Variants in SLC9A8 observed in about 807,000 individuals in gnomAD.
SLC9A8 encodes sodium/hydrogen exchanger 8.
SLC9A8 carries 48 observed loss-of-function variants against 66.6 expected under a neutral mutation model. The ratio of observed to expected loss-of-function variants is 0.72; its 90% confidence interval spans 0.57 to 0.92. The LOEUF (loss-of-function observed/expected upper bound fraction) is 0.92, where lower values mean the gene tolerates loss of function less well. Among genes scored for constraint, SLC9A8 ranks in the 40% least tolerant of loss-of-function variants. The pLI is 0.00. For missense variants in SLC9A8, 599 were observed against 747.3 expected, an observed-to-expected ratio of 0.80 and a Z score of 2.31; for synonymous variants, 274 against 282.6, an observed-to-expected ratio of 0.97 and a Z score of 0.31.
rs1278209743 is a variant in SLC9A8, at chr20:49,845,056, A to C, written c.369A>C (p.Pro123=). 1 of 1,612,966 alleles carries C rather than the reference A, an allele frequency of 6.2e-7. No homozygotes were observed. The highest frequency in any genetic ancestry group is 1.7e-5 in the Admixed American group (1 of 60,014). ...TACAGGAAGAAGAAATGTTTCGTCC[A>C]AACATGTTTTTCCTCCTCCTGCTTC... The part of the protein sequence containing the change: ...ANWKEEEMFR[P]NMFFLLLLPP... The change falls in exon 5 of 16, where the codon CCA becomes CCC. Residue 123 remains proline, a synonymous_variant. Coordinates refer to ENST00000361573, the MANE Select transcript of SLC9A8 (RefSeq NM_015266.3).
intron 3 of SLC9A8, among the ~76,000 whole-genome samples, chr20:49,837,000 A>AT (rs1486228714): frequency 6.6e-6 from 1 of 152,146 alleles, no homozygotes; most frequent in Non-Finnish European, 1.5e-5. Context: ...AAAAGTTAAC[A>AT]TACCTCCCTC....
At chr20:49,849,468 T>G (rs1183114547) in intron 5 of SLC9A8, 111 bp from the exon 6 acceptor site, 1 of 786,842 alleles carries the variant, frequency 1.3e-6, no homozygotes, top group African/African-American at 1.7e-5. Context: ...TGGGCAGTGG[T>G]GCCTTTTACA....
intron 3 of SLC9A8, among the ~76,000 whole-genome samples, chr20:49,823,923 T>A (rs1040777101): frequency 1.3e-5 from 2 of 152,256 alleles, no homozygotes; most frequent in Non-Finnish European, 2.9e-5. Context: ...TCACTGCTGA[T>A]GTTTAGAAAT....
intron 8 of SLC9A8, among the ~76,000 whole-genome samples, chr20:49,856,101 CT>C (rs2088469300): frequency 6.6e-6 from 1 of 152,136 alleles, no homozygotes; most frequent in Non-Finnish European, 1.5e-5. Flanking sequence ...CTTTGCCCAC[CT>C]TTTTCGACCT....
rs777618627 is a variant in SLC9A8 at position 49,888,007 on chromosome 20, G to A, written c.*71G>A. 1.4e-4 allele frequency: 173 copies of A among 1,219,248 alleles called. No homozygotes were observed. The highest frequency in any genetic ancestry group is 3.0e-4 in the Admixed American group (17 of 57,096). 75.5% of individuals were successfully genotyped at this position (1,219,248 alleles called of 1,614,324 possible). A position where few individuals can be genotyped will look rare whatever the true frequency, so the allele number is the denominator to read the frequency against. On this transcript the variant is annotated 3_prime_UTR_variant, in exon 16 of 16. Transcript: ENST00000361573. ...TGCTGCGCACAGACACTCAGCAGGGGCCTCGCAGAGATGCGTGCATCCAGC... is the reference window on the plus strand; with the variant it reads ...TGCTGCGCACAGACACTCAGCAGGGACCTCGCAGAGATGCGTGCATCCAGC...
chr20:49,813,009 G>C, intron 1 of SLC9A8, 61 bp downstream of exon 1: 1 of 1,337,714 alleles, frequency 7.5e-7, no homozygotes, highest in South Asian at 1.7e-5. Context: ...GGGTGACAGC[G>C]AGCGCCTCAG....
chr20:49,851,530 A>G (rs1466827657), intron 7 of SLC9A8, among the ~76,000 whole-genome samples: 1 of 152,156 alleles, frequency 6.6e-6, no homozygotes, highest in African/African-American at 2.4e-5. Flanking sequence ...TGGTCTTGTG[A>G]CATGGCTGGG....
chr20:49,830,760 G>C, intron 3 of SLC9A8: 1 of 785,042 alleles, frequency 1.3e-6, no homozygotes, highest in South Asian at 1.4e-5. Flanking sequence ...CATAGTCCAA[G>C]GGAGCTTCAT....
chr20:49,827,452 A>T (rs2086957261), intron 3 of SLC9A8, among the ~76,000 whole-genome samples: 1 of 151,394 alleles, frequency 6.6e-6, no homozygotes, highest in South Asian at 2.1e-4. Context: ...AAAATAACAA[A>T]AATTAGTCAG....
chr20:49,813,329 G>C (rs75151247), intron 1 of SLC9A8, among the ~76,000 whole-genome samples: 13,968 of 152,258 alleles, frequency 0.092, 722 homozygotes, highest in Middle Eastern at 0.13. Context: ...GTCGCCTCCT[G>C]TATAACGATC....
chr20:49,874,441 A>G (rs1056837391), intron 10 of SLC9A8, among the ~76,000 whole-genome samples: 5 of 152,082 alleles, frequency 3.3e-5, no homozygotes, highest in African/African-American at 9.7e-5. Flanking sequence ...AGTGGCTACT[A>G]TTAGTCCCAC....
rs1035059541 is a variant in SLC9A8 at position 49,812,861 on chromosome 20, A to T, written c.-62A>T. On this transcript the variant is annotated 5_prime_UTR_variant, in exon 1 of 16. The change creates a new upstream start codon in the 5' untranslated region. Coordinates refer to ENST00000361573, the MANE Select transcript of SLC9A8 (RefSeq NM_015266.3). ...GCCCGCGCCTCCAGCGGAAGCCGGA[A>T]GCAAAAGCGGGTCCTGCTAGCCCCG... 1.3e-6 allele frequency: 2 copies of T among 1,489,814 alleles called. No individual in the cohort carries two copies. The highest frequency in any genetic ancestry group is 2.9e-5 in the African/African-American group (2 of 68,480). 92.3% of individuals were successfully genotyped at this position (1,489,814 alleles called of 1,614,324 possible).
At chr20:49,865,594 T>C (rs1344105082) in intron 10 of SLC9A8, among the ~76,000 whole-genome samples, 1 of 151,886 alleles carries the variant, frequency 6.6e-6, no homozygotes, top group Non-Finnish European at 1.5e-5. Context: ...GATGCGGCCC[T>C]AGAAGATGAT....
At position 49,888,106 on chromosome 20, in the gene SLC9A8, C is replaced by G. The variant is rs1036941365; in HGVS notation, c.*170C>G. On this transcript the variant is annotated 3_prime_UTR_variant, in exon 16 of 16. Transcript: ENST00000361573. ...CGCCTTAGTCCAGAACCTGACAGGCCTCTGGAGCCAGGCGACTTCTTGGGA... is the reference window on the plus strand; with the variant it reads ...CGCCTTAGTCCAGAACCTGACAGGCGTCTGGAGCCAGGCGACTTCTTGGGA... 1 of 558,088 alleles carries G rather than the reference C, an allele frequency of 1.8e-6. No homozygotes were observed. Among genetic ancestry groups the G allele is most frequent in the Admixed American group, 3.2e-5 (1 of 31,624 alleles). 34.6% of individuals were successfully genotyped at this position (558,088 alleles called of 1,614,324 possible).
chr20:49,828,397 A>G (rs55950635), intron 3 of SLC9A8, among the ~76,000 whole-genome samples: 11 of 150,966 alleles, frequency 7.3e-5, no homozygotes, highest in Non-Finnish European at 1.6e-4. Context: ...TTATATATAT[A>G]TTTTTTAGTA....
At chr20:49,859,822 A>G (rs1400534364) in intron 8 of SLC9A8, among the ~76,000 whole-genome samples, 1 of 152,186 alleles carries the variant, frequency 6.6e-6, no homozygotes, top group East Asian at 1.9e-4. Flanking sequence ...AGCTCATGAA[A>G]TGGACCCTGA....
At chr20:49,883,505 C>A (rs1051728923) in intron 13 of SLC9A8, among the ~76,000 whole-genome samples, 4 of 152,126 alleles carry the variant, frequency 2.6e-5, no homozygotes, top group African/African-American at 9.7e-5. Context: ...AGGCCTGGCG[C>A]ACACACAGGG....
At chr20:49,832,118 C>T (rs1322847744) in intron 3 of SLC9A8, among the ~76,000 whole-genome samples, 1 of 152,164 alleles carries the variant, frequency 6.6e-6, no homozygotes, top group Admixed American at 6.5e-5. Context: ...CCCTGCCAAG[C>T]CCCTTGCATG....
intron 10 of SLC9A8, among the ~76,000 whole-genome samples, chr20:49,873,563 G>A (rs1479722488): frequency 6.6e-6 from 1 of 150,984 alleles, no homozygotes; most frequent in Non-Finnish European, 1.5e-5. Context: ...CTGAAGTCAG[G>A]AGTTCGAGAC....
Sources: gnomAD v4.1 joint callset for allele counts (sites outside exome capture counted in the v4.1 genomes callset) on GRCh38, gnomAD v4.1.1 for gene constraint, MANE v1.5 for transcripts, NCBI Gene and HGNC (gene_info 2026-07-23, HGNC 2026-07-21) for gene names.